The following DNAJB12 variants were observed in gnomAD, a reference collection of about 807,000 sequenced individuals.
The protein encoded by DNAJB12 is dnaJ homolog subfamily B member 12.
A neutral mutation model predicts 40.6 loss-of-function variants in DNAJB12; 14 were observed. The observed-to-expected ratio is 0.34, with a 90% CI of 0.23 to 0.54. The LOEUF (loss-of-function observed/expected upper bound fraction) is 0.54. Ranked by LOEUF, DNAJB12 falls within the 20% of genes least tolerant of loss-of-function variation. The pLI is 0.92. For synonymous variants in DNAJB12, 181 were observed against 199.5 expected, an observed-to-expected ratio of 0.91 and a Z score of 0.78; for missense variants, 444 against 501.7, an observed-to-expected ratio of 0.89 and a Z score of 1.10.
intron 1 of DNAJB12, among the ~76,000 whole-genome samples, chr10:72,350,180 G>T (rs1410457633): frequency 6.6e-6 from 1 of 151,872 alleles, no homozygotes; most frequent in Non-Finnish European, 1.5e-5. Flanking sequence ...CAGGAGAATG[G>T]ATTGAGCTCA....
chr10:72,348,525 G>T (rs1166183088), intron 1 of DNAJB12, among the ~76,000 whole-genome samples: 1 of 152,246 alleles, frequency 6.6e-6, no homozygotes, highest in Non-Finnish European at 1.5e-5. Context: ...ACGCCATGCT[G>T]GGTGCCACAC....
At chr10:72,349,701 T>C (rs10400019) in intron 1 of DNAJB12, among the ~76,000 whole-genome samples, 15,116 of 152,148 alleles carry the variant, frequency 0.099, 1,573 homozygotes, top group African/African-American at 0.26. Context: ...GGCTCTCTCT[T>C]GTACCTCTCA....
chr10:72,350,164 C>A (rs1253694940), intron 1 of DNAJB12, among the ~76,000 whole-genome samples: 2 of 151,872 alleles, frequency 1.3e-5, no homozygotes, highest in African/African-American at 4.8e-5. Context: ...CTTTAGGAGG[C>A]CAAGGCAGGA....
At chr10:72,339,370 C>A (rs1290245183) in intron 5 of DNAJB12, among the ~76,000 whole-genome samples, 1 of 151,190 alleles carries the variant, frequency 6.6e-6, no homozygotes, top group East Asian at 1.9e-4. Flanking sequence ...CCCGTCTCTA[C>A]TAAAAATACA....
chr10:72,341,306 G>A, intron 3 of DNAJB12, 136 bp from the exon 4 acceptor site: 1 of 835,428 alleles, frequency 1.2e-6, no homozygotes, highest in Non-Finnish European at 1.8e-6. Context: ...TGGGCAGGAA[G>A]CTTGGCCAGT....
rs949849645 is a variant in DNAJB12, at chr10:72,335,754, A to G, written c.*30+26T>C. ...CAGGGCCAAAGCTGCCAGGAGTTGC[A>G]GGGTGGAGGCAGCCCTGGCTCATAC... On this transcript the variant is annotated intron_variant, in intron 8 of 8. Transcript: ENST00000444643. The surrounding 1 kb of genome is among the most constrained non-coding windows in gnomAD (Gnocchi z 4.4). 5.0e-6 allele frequency: 8 copies of G among 1,604,100 alleles called. No individual in the cohort carries two copies. The highest frequency in any genetic ancestry group is 1.3e-5 in the African/African-American group (1 of 74,692).
intron 3 of DNAJB12, among the ~76,000 whole-genome samples, chr10:72,342,099 G>A (rs889443780): frequency 2.0e-5 from 3 of 152,228 alleles, no homozygotes; most frequent in African/African-American, 7.2e-5. Context: ...CTGTGGGGAA[G>A]GGCCAAATCT....
Position 72,343,467 on chromosome 10 carries a change from C to G in DNAJB12, c.356G>C (p.Arg119Thr), listed in dbSNP as rs1861693633. 6.2e-7 allele frequency: 1 copy of G among 1,614,112 alleles called. No homozygotes were observed. Among genetic ancestry groups the G allele is most frequent in the Non-Finnish European group, 8.5e-7 (1 of 1,180,038 alleles). Reference sequence around the variant, plus strand: ...CTTCAGGTCCTCATCCGAGGCCCCTCTGCTCACCCCCAGGATCTCATAGTA... The same window carrying G: ...CTTCAGGTCCTCATCCGAGGCCCCTGTGCTCACCCCCAGGATCTCATAGTA... The part of the protein sequence containing the change: ...KDYYEILGVS[R>T]GASDEDLKKA... Residue 119 changes from arginine to threonine, a missense_variant, in exon 3 of 9, where the codon AGA becomes ACA. Physicochemically the swap from Arg to Thr is moderately conservative, Grantham distance 71. Transcript: ENST00000444643.
chr10:72,350,452 G>A (rs1401931908), intron 1 of DNAJB12, among the ~76,000 whole-genome samples: 2 of 145,728 alleles, frequency 1.4e-5, no homozygotes, highest in Non-Finnish European at 3.0e-5. Context: ...TTCAAACCTA[G>A]CTCTGCCATT....
chr10:72,337,650 G>C (rs547340371), intron 6 of DNAJB12, among the ~76,000 whole-genome samples: 1 of 152,210 alleles, frequency 6.6e-6, no homozygotes, highest in Non-Finnish European at 1.5e-5. Context: ...AGGAAACCAA[G>C]GTTATATAAC....
Position 72,335,820 on chromosome 10 carries a change from A to T in DNAJB12, c.1118T>A (p.Leu373Gln). 1 of 1,614,080 alleles carries T rather than the reference A, an allele frequency of 6.2e-7. No homozygotes were observed. The highest frequency in any genetic ancestry group is 8.5e-7 in the Non-Finnish European group (1 of 1,179,958). The change falls in exon 8 of 9, where the codon CTG (leucine) becomes CAG (glutamine). Residue 373 changes from leucine (L) to glutamine (Q), a missense_variant. Transcript: ENST00000444643. This position sits in a 1 kb window ranked among gnomAD's most constrained non-coding sequence, Gnocchi z 4.4. ...GTGGCTGGCCCAGGACTATCCATGCAGGGAGGCCTGCACCTCTGACAGTCG... is the reference window on the plus strand; with the variant it reads ...GTGGCTGGCCCAGGACTATCCATGCTGGGAGGCCTGCACCTCTGACAGTCG... ...CSRLSEVQASLHG is the reference protein window; with the variant it reads ...CSRLSEVQASQHG
At position 72,343,460 on chromosome 10, in the gene DNAJB12, G is replaced by C. The variant is rs1331425812; in HGVS notation, c.363C>G (p.Ala121=). 2 of 1,614,074 alleles carry C rather than the reference G, an allele frequency of 1.2e-6. No individual in the cohort carries two copies. Among genetic ancestry groups the C allele is most frequent in the Non-Finnish European group, 1.7e-6 (2 of 1,180,032 alleles). Residue 121 remains alanine, a synonymous_variant, in exon 3 of 9, where the codon GCC becomes GCG. Coordinates refer to ENST00000444643, the MANE Select transcript of DNAJB12 (RefSeq NM_017626.7). The part of the protein sequence containing the change: ...YYEILGVSRG[A]SDEDLKKAYR... ...AGGCCTTCTTCAGGTCCTCATCCGAGGCCCCTCTGCTCACCCCCAGGATCT... is the reference window on the plus strand; with the variant it reads ...AGGCCTTCTTCAGGTCCTCATCCGACGCCCCTCTGCTCACCCCCAGGATCT...
At chr10:72,346,518 T>C (rs1309103338) in intron 1 of DNAJB12, among the ~76,000 whole-genome samples, 4 of 152,228 alleles carry the variant, frequency 2.6e-5, no homozygotes, top group African/African-American at 9.6e-5. Context: ...AGAGATGGGA[T>C]ATCAACACGT....
At chr10:72,340,200 CG>C (rs924785909) in intron 5 of DNAJB12, among the ~76,000 whole-genome samples, 1 of 151,516 alleles carries the variant, frequency 6.6e-6, no homozygotes, top group African/African-American at 2.4e-5. Flanking sequence ...CAAAATTAGC[CG>C]GGGGTGGTGG....
intron 1 of DNAJB12, chr10:72,354,416 C>CAAG: frequency 3.7e-6 from 1 of 269,178 alleles, no homozygotes; most frequent in Admixed American, 4.9e-5. Flanking sequence ...GGCGACTGGC[C>CAAG]TGGGCTACCG....
chr10:72,349,298 G>A (rs920764914), intron 1 of DNAJB12, among the ~76,000 whole-genome samples: 1 of 152,144 alleles, frequency 6.6e-6, no homozygotes, highest in Admixed American at 6.5e-5. Flanking sequence ...GAAGTGGGCT[G>A]GCCAGGGAAG....
At chr10:72,346,584 C>T (rs1174894762) in intron 1 of DNAJB12, among the ~76,000 whole-genome samples, 3 of 152,230 alleles carry the variant, frequency 2.0e-5, no homozygotes, top group Non-Finnish European at 4.4e-5. Context: ...CTCGGCCTCC[C>T]GAAGTGCTGG....
rs1861907697 is a variant in DNAJB12, at chr10:72,350,447, A to C, written c.133+4318T>G. On this transcript the variant is annotated intron_variant, in intron 1 of 8. Transcript: ENST00000444643. ...AAAAAAGACTGCCCGATGGGTTCAAACCTAGCTCTGCCATTTGCTAGAAGG... is the reference window on the plus strand; with the variant it reads ...AAAAAAGACTGCCCGATGGGTTCAACCCTAGCTCTGCCATTTGCTAGAAGG... 2.6e-5 allele frequency among the ~76,000 whole-genome samples: 4 copies of C among 151,526 alleles called. No individual in the cohort carries two copies. The South Asian group carries it at 8.4e-4, about 32-fold the overall frequency.
intron 1 of DNAJB12, among the ~76,000 whole-genome samples, chr10:72,348,898 C>T (rs958014278): frequency 6.6e-6 from 1 of 152,196 alleles, no homozygotes; most frequent in African/African-American, 2.4e-5. Context: ...ACCTACCCCA[C>T]CCCACTGTAG....
Sources: gnomAD v4.1 joint callset for allele counts (sites outside exome capture counted in the v4.1 genomes callset) on GRCh38, gnomAD v4.1.1 for gene constraint, Gnocchi (gnomAD v3.1) non-coding constraint, MANE v1.5 for transcripts, NCBI Gene and HGNC (gene_info 2026-07-23, HGNC 2026-07-21) for gene names.